CPLX2: variants seen among roughly 807,000 people sequenced by gnomAD.
CPLX2 encodes the protein complexin 2.
Under a neutral mutation model 16.3 loss-of-function variants are expected in CPLX2, and 5 were observed. The observed-to-expected ratio is 0.31, with a 90% CI of 0.16 to 0.64. CPLX2 has a LOEUF of 0.64. Ranked by LOEUF, CPLX2 falls within the 30% of genes least tolerant of loss-of-function variation. The pLI is 0.79. For missense variants in CPLX2, 144 were observed against 181.4 expected (o/e 0.79, Z 1.18); for synonymous variants, 89 against 73.2 (o/e 1.22, Z -1.10).
At chr5:175,877,461 C>G (rs1023793977) in intron 1 of CPLX2, among the ~76,000 whole-genome samples, 3 of 152,122 alleles carry the variant, frequency 2.0e-5, no homozygotes, top group Non-Finnish European at 2.9e-5. Flanking sequence ...GCAACATCTG[C>G]CACCCTTTCC....
At chr5:175,852,437 C>T (rs941917506) in intron 2 of CPLX2, among the ~76,000 whole-genome samples, 5 of 152,084 alleles carry the variant, frequency 3.3e-5, no homozygotes, top group Non-Finnish European at 7.4e-5. Context: ...AATGGAATTG[C>T]GGCAGAGGTG....
At chr5:175,856,953 C>T (rs1759269706) in intron 2 of CPLX2, among the ~76,000 whole-genome samples, 2 of 152,144 alleles carry the variant, frequency 1.3e-5, no homozygotes, top group Admixed American at 1.3e-4. Flanking sequence ...AATGGCAATT[C>T]GCTAAGGAAA....
Position 175,879,668 on chromosome 5 carries a change from C to T in CPLX2, c.208-180C>T, listed in dbSNP as rs62387139. 6,477 of 711,624 alleles carry T rather than the reference C, an allele frequency of 9.1e-3. 55 individuals are homozygous for T. Among genetic ancestry groups the T allele is most frequent in the Non-Finnish European group, 0.013 (5,219 of 388,942 alleles). The allele number at this position is 711,624 out of a possible 1,614,324, so 44.1% of individuals were successfully genotyped here. A position where few individuals can be genotyped will look rare whatever the true frequency, so the allele number is the denominator to read the frequency against. On this transcript the variant is annotated intron_variant, in intron 3 of 3. Transcript: ENST00000393745. ...AAAGGAAACCCCACGTATGGTCTCT[C>T]CCACTGAGGACCAGGCACCATCCTA...
chr5:175,865,107 C>CAT (rs1759449481), intron 2 of CPLX2, among the ~76,000 whole-genome samples: 2 of 151,740 alleles, frequency 1.3e-5, no homozygotes, highest in Admixed American at 6.6e-5. Context: ...CACACACACA[C>CAT]TCGTCTATTA....
At chr5:175,814,173 A>C (rs557467835) in intron 2 of CPLX2, among the ~76,000 whole-genome samples, 1 of 152,260 alleles carries the variant, frequency 6.6e-6, no homozygotes, top group Non-Finnish European at 1.5e-5. Context: ...TCCAGAGCCC[A>C]TGCTGGGCCC....
At chr5:175,843,500 CAT>C (rs1231265384) in intron 2 of CPLX2, among the ~76,000 whole-genome samples, 1 of 152,232 alleles carries the variant, frequency 6.6e-6, no homozygotes, top group Non-Finnish European at 1.5e-5. Context: ...CACGCACACA[CAT>C]ACTCACCAAG....
chr5:175,805,846 A>G (rs1758190011), intron 1 of CPLX2, among the ~76,000 whole-genome samples: 1 of 152,092 alleles, frequency 6.6e-6, no homozygotes, highest in Non-Finnish European at 1.5e-5. Flanking sequence ...AGCTGATGAG[A>G]GGGTTGACTG....
chr5:175,821,704 G>A (rs569278218), intron 2 of CPLX2, among the ~76,000 whole-genome samples: 6 of 152,296 alleles, frequency 3.9e-5, no homozygotes, highest in South Asian at 2.1e-4. Flanking sequence ...CACCACGCCC[G>A]GCCCTAAATT....
intron 2 of CPLX2, among the ~76,000 whole-genome samples, chr5:175,844,945 G>A (rs933539989): frequency 2.0e-5 from 3 of 152,204 alleles, no homozygotes; most frequent in Admixed American, 6.5e-5. Context: ...TAGGGTGGAT[G>A]GAAGACACCA....
chr5:175,876,633 C>T (rs576278327), intron 1 of CPLX2, among the ~76,000 whole-genome samples: 110 of 152,214 alleles, frequency 7.2e-4, no homozygotes, highest in African/African-American at 2.6e-3. Context: ...AGGAGAGAGA[C>T]GTGTCAGAAT....
At position 175,836,194 on chromosome 5, in the gene CPLX2, C is replaced by CA. The variant is rs1446682931; in HGVS notation, c.-89+27132dup. ...TGAAACCCCGTCTCTACTAAAAATA[C>CA]AAAAAATTAGCTGGGCGTGGTGGCG... is the stretch of plus-strand genomic sequence containing the variant. On this transcript the variant is annotated intron_variant, in intron 2 of 4. Coordinates refer to the CPLX2 transcript ENST00000359546. Among the ~76,000 whole-genome samples, 13 of 152,026 alleles carry CA rather than the reference C, an allele frequency of 8.6e-5. No homozygotes were observed. The South Asian group carries it at 1.9e-3, about 22-fold the overall frequency.
rs1342974043 is a variant in CPLX2 at position 175,845,989 on chromosome 5, T to C, written c.-88-32663T>C. 6.6e-6 allele frequency among the ~76,000 whole-genome samples: 1 copy of C among 152,030 alleles called. No homozygotes were observed. The highest frequency in any genetic ancestry group is 1.5e-5 in the Non-Finnish European group (1 of 67,986). The stretch of plus-strand genomic sequence containing the variant: ...TGGCCTGTCCCCTCACCTCCTGAAA[T>C]CAATCAGGGCGAGACCTTAGTGAGG... On this transcript the variant is annotated intron_variant, in intron 2 of 4. Coordinates refer to the CPLX2 transcript ENST00000359546. The surrounding 1 kb of genome is among the most constrained non-coding windows in gnomAD (Gnocchi z 4.0).
intron 1 of CPLX2, among the ~76,000 whole-genome samples, chr5:175,876,051 G>A (rs1205828653): frequency 6.6e-6 from 1 of 152,128 alleles, no homozygotes; most frequent in Admixed American, 6.5e-5. Flanking sequence ...GGTGCCCACA[G>A]ACATCCAGGA....
At position 175,878,790 on chromosome 5, in the gene CPLX2, C is replaced by T. The variant is rs777197988; in HGVS notation, c.31+20C>T. On this transcript the variant is annotated intron_variant, in intron 2 of 3. Transcript: ENST00000393745. ...TTGGAGGTGAGGTCCAGCGCCCCTC[C>T]GCGTGTCCTCAGCCGGTCCCACCCT... 9 of 1,612,406 alleles carry T rather than the reference C, an allele frequency of 5.6e-6. No homozygotes were observed. Among genetic ancestry groups the T allele is most frequent in the Non-Finnish European group, 7.6e-6 (9 of 1,179,558 alleles).
At chr5:175,807,718 C>T (rs545676942) in intron 1 of CPLX2, among the ~76,000 whole-genome samples, 1 of 152,068 alleles carries the variant, frequency 6.6e-6, no homozygotes, top group South Asian at 2.1e-4. Context: ...CATTCATTCA[C>T]TCAACATATA....
intron 2 of CPLX2, among the ~76,000 whole-genome samples, chr5:175,855,715 C>G (rs1393447539): frequency 6.6e-6 from 1 of 152,116 alleles, no homozygotes; most frequent in Admixed American, 6.6e-5. Context: ...ATTTTCAGGA[C>G]GAGCCCCAGG....
rs1755609318 is a variant in CPLX2, at chr5:175,881,638, T to C, written c.*1593T>C. ...GTGGGGAGAAAGAACGTGGGTAAGA[T>C]GTCCCTTCCCAGCCCTGAGACCACT... On this transcript the variant is annotated 3_prime_UTR_variant, in exon 4 of 4. Transcript: ENST00000393745. 20 of 152,804 alleles carry C rather than the reference T, an allele frequency of 1.3e-4. No homozygotes were observed. The highest frequency in any genetic ancestry group is 1.2e-3 in the Admixed American group (19 of 15,286). The allele number at this position is 152,804 out of a possible 1,614,324, so 9.5% of individuals were successfully genotyped here.
In CPLX2 at chr5:175,878,647, T is replaced by C. The variant is rs1755472094; in HGVS notation, c.-88-5T>C. On this transcript the variant is annotated splice_polypyrimidine_tract_variant and splice_region_variant and intron_variant, in intron 1 of 3. Coordinates refer to ENST00000393745, the MANE Select transcript of CPLX2 (RefSeq NM_001008220.2). ...TCCCATCTGACTCCCAATTCTCTTC[T>C]GCAGGTTGTCACATCTTCCCAAGCC... The C allele has an allele frequency of 2.8e-6, 4 of 1,448,608 alleles. No individual in the cohort carries two copies. Among genetic ancestry groups the C allele is most frequent in the Non-Finnish European group, 3.8e-6 (4 of 1,049,732 alleles). 89.7% of individuals were successfully genotyped at this position (1,448,608 alleles called of 1,614,324 possible).
At chr5:175,807,315 C>T (rs192902047) in intron 1 of CPLX2, among the ~76,000 whole-genome samples, 221 of 152,338 alleles carry the variant, frequency 1.5e-3, no homozygotes, top group Middle Eastern at 3.4e-3. Context: ...TGCCAGATGA[C>T]GCGCTAGCTG....
Sources: allele counts gnomAD v4.1 joint callset (sites outside exome capture counted in the v4.1 genomes callset), GRCh38; gene constraint gnomAD v4.1.1; non-coding constraint Gnocchi (gnomAD v3.1); transcripts MANE v1.5; gene names NCBI Gene and HGNC (gene_info 2026-07-23, HGNC 2026-07-21).